The following MET variants were observed in gnomAD, a reference collection of about 807,000 sequenced individuals.
MET encodes hepatocyte growth factor receptor.
A neutral mutation model predicts 133.1 loss-of-function variants in MET; 48 were observed. That is an observed-to-expected ratio of 0.36 (90% CI 0.29 to 0.46). The LOEUF (loss-of-function observed/expected upper bound fraction) is 0.46. Among genes scored for constraint, MET ranks in the 20% least tolerant of loss-of-function variants. The pLI, the probability that MET is intolerant of heterozygous loss-of-function variation, is 1.00. For missense variants in MET, 1,442 were observed against 1,695.9 expected (o/e 0.85, Z 2.63); for synonymous variants, 628 against 616.5 (o/e 1.02, Z -0.28).
At chr7:116,729,284 T>C (rs1245167046) in intron 2 of MET, among the ~76,000 whole-genome samples, 1 of 151,990 alleles carries the variant, frequency 6.6e-6, no homozygotes, top group Non-Finnish European at 1.5e-5. Context: ...ATTACAAGAG[T>C]CAGTGGGTTT....
chr7:116,744,775 A>G (rs950879791), intron 5 of MET, among the ~76,000 whole-genome samples: 6 of 152,144 alleles, frequency 3.9e-5, no homozygotes, highest in African/African-American at 7.2e-5. Context: ...AAAAAATGTT[A>G]AGGGCAGCCG....
At chr7:116,679,872 A>G (rs38841) in intron 1 of MET, among the ~76,000 whole-genome samples, 42,959 of 152,144 alleles carry the variant, frequency 0.28, 7,477 homozygotes, top group Admixed American at 0.43. Flanking sequence ...ATGATTAAAG[A>G]ATGGCTGCTT....
At position 116,798,283 on chromosome 7, in the gene MET, A is replaced by G. The variant is rs1269814098; in HGVS notation, c.*2159A>G. On this transcript the variant is annotated 3_prime_UTR_variant, in exon 21 of 21. Coordinates refer to ENST00000397752, the MANE Select transcript of MET (RefSeq NM_000245.4). ...TAAGTGATTCTTCTAAGAATTAGAT[A>G]CTTGTCACTGCCTATACCTGCAGCT... 4.9e-6 allele frequency: 1 copy of G among 205,158 alleles called. No homozygotes were observed. Among genetic ancestry groups the G allele is most frequent in the Non-Finnish European group, 1.0e-5 (1 of 99,872 alleles). The allele number at this position is 205,158 out of a possible 1,614,324, so 12.7% of individuals were successfully genotyped here.
chr7:116,760,390 T>G (rs1426096893), intron 10 of MET, among the ~76,000 whole-genome samples: 2 of 152,202 alleles, frequency 1.3e-5, no homozygotes, highest in Admixed American at 6.5e-5. Context: ...CCTATCCTTA[T>G]TTTATATAGG....
rs1397775000 is a variant in MET at position 116,759,389 on chromosome 7, A to G, written c.2265-2A>G. 1 of 1,613,224 alleles carries G rather than the reference A, an allele frequency of 6.2e-7. No homozygotes were observed. The highest frequency in any genetic ancestry group is 8.5e-7 in the Non-Finnish European group (1 of 1,179,672). On this transcript the variant is annotated splice_acceptor_variant, in intron 9 of 20. Coordinates refer to ENST00000397752, the MANE Select transcript of MET (RefSeq NM_000245.4). LOFTEE classifies it high-confidence loss of function. ...TGTCAGTTTTCTATTTTGCTTTGCC[A>G]GTGGTGGGAGCACAATAACAGGTGT... is the stretch of plus-strand genomic sequence containing the variant.
intron 2 of MET, 75 bp downstream of exon 2, chr7:116,700,359 T>C (rs1791531544): frequency 6.7e-7 from 1 of 1,489,542 alleles, no homozygotes; most frequent in Admixed American, 2.3e-5. Flanking sequence ...AAAAAGAATA[T>C]CCAGGGCTTC....
At chr7:116,736,539 A>C (rs969445321) in intron 3 of MET, among the ~76,000 whole-genome samples, 1 of 152,224 alleles carries the variant, frequency 6.6e-6, no homozygotes. Flanking sequence ...TGGCCTTTAC[A>C]TATTTGTGGA....
At chr7:116,718,574 G>C (rs930521755) in intron 2 of MET, among the ~76,000 whole-genome samples, 1 of 150,532 alleles carries the variant, frequency 6.6e-6, no homozygotes, top group African/African-American at 2.4e-5. Context: ...CATGTGCCAT[G>C]CTGGTGTGCT....
chr7:116,724,432 C>T (rs1399171071), intron 2 of MET, among the ~76,000 whole-genome samples: 3 of 152,222 alleles, frequency 2.0e-5, no homozygotes, highest in Admixed American at 2.0e-4. Context: ...CCGTCTTCTG[C>T]GTCGCTCACG....
Position 116,700,211 on chromosome 7 carries a change from A to G in MET, c.1127A>G (p.Lys376Arg). 2 of 1,594,930 alleles carry G rather than the reference A, an allele frequency of 1.3e-6. No homozygotes were observed. The highest frequency in any genetic ancestry group is 1.7e-6 in the Non-Finnish European group (2 of 1,174,146). ...AAATATGTCAACGACTTCTTCAACAAGATCGTCAACAAAAACAATGTGAGA... is the reference window on the plus strand; with the variant it reads ...AAATATGTCAACGACTTCTTCAACAGGATCGTCAACAAAAACAATGTGAGA... ...PIKYVNDFFN[K>R]IVNKNNVRCL... The change falls in exon 2 of 21, where the codon AAG becomes AGG. Residue 376 changes from lysine (K) to arginine (R), a missense_variant. Lys to Arg is a conservative substitution (Grantham distance 26). This residue lies in a region of MET where 762 missense variants were observed against 792.4 expected (regional missense o/e 0.96). Coordinates refer to ENST00000397752, the MANE Select transcript of MET (RefSeq NM_000245.4).
At chr7:116,754,960 AGAGAAGGAAGGAAGCAGAGAAAG>A (rs1794098689) in intron 5 of MET, among the ~76,000 whole-genome samples, 1 of 144,582 alleles carries the variant, frequency 6.9e-6, no homozygotes, top group Non-Finnish European at 1.5e-5. Flanking sequence ...AGAGAAAGAA[AGAGAAGGAAGGAAGCAGAGAAAG>A]GAAAGAAAGA....
chr7:116,698,940 T>C, intron 1 of MET, 131 bp from the exon 2 acceptor site: 1 of 1,266,818 alleles, frequency 7.9e-7, no homozygotes, highest in Non-Finnish European at 1.1e-6. Flanking sequence ...CTTGCTAGAG[T>C]TTTTGTTTTC....
At position 116,706,888 on chromosome 7, in the gene MET, ATT is replaced by A. The variant is rs35404902; in HGVS notation, c.1200+6622_1200+6623del. Among the ~76,000 whole-genome samples the A allele has an allele frequency of 6.9e-3, 957 of 139,066 alleles. 12 individuals are homozygous for A. Among genetic ancestry groups the A allele is most frequent in the African/African-American group, 0.024 (890 of 37,616 alleles). 91.2% of individuals were successfully genotyped at this position (139,066 alleles called of 152,430 possible). A position where few individuals can be genotyped will look rare whatever the true frequency, so the allele number is the denominator to read the frequency against. ...GAAGTCATTAAAACTCCTTCCCTTGATTTTTTTTTTTTTTTTTTTAAATAGTA... is the reference window on the plus strand; with the variant it reads ...GAAGTCATTAAAACTCCTTCCCTTGATTTTTTTTTTTTTTTTTAAATAGTA... On this transcript the variant is annotated intron_variant, in intron 2 of 20. Coordinates refer to ENST00000397752, the MANE Select transcript of MET (RefSeq NM_000245.4).
At chr7:116,724,155 T>C in intron 2 of MET, 1 of 170,782 alleles carries the variant, frequency 5.9e-6, no homozygotes, top group Non-Finnish European at 1.2e-5. Context: ...CGTAGGACCC[T>C]CCGAGCCAGG....
chr7:116,769,818 T>A (rs748818807), intron 12 of MET, 27 bp downstream of exon 12: 1 of 1,613,416 alleles, frequency 6.2e-7, no homozygotes, highest in East Asian at 2.2e-5. Flanking sequence ...CCTCTCATGA[T>A]GTAAATAAGG....
chr7:116,704,232 C>T (rs768247839), intron 2 of MET, among the ~76,000 whole-genome samples: 1 of 152,034 alleles, frequency 6.6e-6, no homozygotes, highest in Non-Finnish European at 1.5e-5. Flanking sequence ...AGGTACCTGG[C>T]ACAAGATGAC....
intron 1 of MET, among the ~76,000 whole-genome samples, chr7:116,678,664 G>A (rs1212713407): frequency 6.6e-6 from 1 of 152,122 alleles, no homozygotes; most frequent in Non-Finnish European, 1.5e-5. Flanking sequence ...CAAGGTTTGG[G>A]TCCATAAGAC....
intron 1 of MET, among the ~76,000 whole-genome samples, chr7:116,683,475 G>T (rs960762932): frequency 8.5e-5 from 13 of 152,114 alleles, no homozygotes; most frequent in Non-Finnish European, 1.3e-4. Context: ...CTTCTAGAAA[G>T]AAATAAAACA....
intron 3 of MET, among the ~76,000 whole-genome samples, chr7:116,732,880 A>G (rs536311740): frequency 1.3e-5 from 2 of 152,256 alleles, no homozygotes; most frequent in South Asian, 2.1e-4. Flanking sequence ...TTCTTGTACT[A>G]AAGGGCATGG....
Sources: gnomAD v4.1 joint callset for allele counts (sites outside exome capture counted in the v4.1 genomes callset) on GRCh38, gnomAD v4.1.1 for gene constraint, gnomAD v4.1.1 regional missense constraint, MANE v1.5 for transcripts, NCBI Gene and HGNC (gene_info 2026-07-23, HGNC 2026-07-21) for gene names.